Variants in LRIT2 observed in about 807,000 individuals in gnomAD.
LRIT2 encodes the protein leucine rich repeat, Ig-like and transmembrane domains 2.
Under a neutral mutation model 22.4 loss-of-function variants are expected in LRIT2, and 23 were observed. The ratio of observed to expected loss-of-function variants is 1.03; its 90% CI spans 0.74 to 1.45. LRIT2 has a LOEUF of 1.45. Among genes scored for constraint, LRIT2 ranks in the 40% most tolerant of loss-of-function variants. The pLI, the probability that LRIT2 is intolerant of heterozygous loss-of-function variation, is 0.00. For missense variants in LRIT2, 784 were observed against 665.6 expected (o/e 1.18, Z -1.96); for synonymous variants, 291 against 267.1 (o/e 1.09, Z -0.87).
rs377313465 is a variant in LRIT2, at chr10:84,222,496, G to A, written c.1077C>T (p.Pro359=). The change falls in exon 3 of 3, where the codon CCC becomes CCT. Residue 359 remains proline (P), a synonymous_variant. Coordinates refer to ENST00000372113, the MANE Select transcript of LRIT2 (RefSeq NM_001017924.5). ...GGTCAATGTAGGCATTGCCCTCCGA[G>A]GGGATGGAAAGAGAATCAGGTGCAT... ...ALHAPDSLSI[P]SEGNAYIDLR... is the part of the protein sequence containing the mutation. The A allele has an allele frequency of 6.2e-7, 1 of 1,614,020 alleles. No individual in the cohort carries two copies. The highest frequency in any genetic ancestry group is 2.2e-5 in the East Asian group (1 of 44,826).
At chr10:84,222,816 T>C in intron 2 of LRIT2, 136 bp from the exon 3 acceptor site, 1 of 988,114 alleles carries the variant, frequency 1.0e-6, no homozygotes, top group Non-Finnish European at 1.6e-6. Flanking sequence ...TAACCTCTTA[T>C]GAACCTCGTA....
rs143323013 is a variant in LRIT2 at position 84,222,056 on chromosome 10, G to C, written c.1517C>G (p.Ala506Gly). The C allele has an allele frequency of 8.4e-5, 135 of 1,610,952 alleles. No individual in the cohort carries two copies. The African/African-American group carries it at 1.5e-3, about 18-fold the overall frequency. Residue 506 changes from alanine to glycine, a missense_variant, in exon 3 of 3, where the codon GCC becomes GGC. Transcript: ENST00000372113. ...CGGGGCTGCAGGGGTGCAGCTGGGG[G>C]CTTTCCTGCGATGAAGACAGCCGCG... ...VLRGCLHRRK[A>G]PSCTPAAPQS... is the part of the protein sequence containing the mutation.
At position 84,221,495 on chromosome 10, in the gene LRIT2, T is replaced by A. The variant is rs948458268; in HGVS notation, c.*425A>T. On this transcript the variant is annotated 3_prime_UTR_variant, in exon 3 of 3. Transcript: ENST00000372113. ...CCAGATGTGGACTCTGGGTGTATCA[T>A]TGAACTGTCCAGGCTGCAGTTTTTC... 6.5e-6 allele frequency: 1 copy of A among 153,150 alleles called. No individual in the cohort carries two copies. The highest frequency in any genetic ancestry group is 2.4e-5 in the African/African-American group (1 of 41,492). The allele number at this position is 153,150 out of a possible 1,614,324, so 9.5% of individuals were successfully genotyped here.
chr10:84,222,857 C>A (rs1004793530), intron 2 of LRIT2, 177 bp from the exon 3 acceptor site: 7 of 733,132 alleles, frequency 9.5e-6, no homozygotes, highest in Non-Finnish European at 1.7e-5. Context: ...TCCCAGCAAT[C>A]CTGTAAGATA....
At chr10:84,222,879 T>C (rs899025009) in intron 2 of LRIT2, 199 bp from the exon 3 acceptor site, 2 of 713,812 alleles carry the variant, frequency 2.8e-6, no homozygotes, top group South Asian at 3.0e-5. Context: ...ATAACTGATC[T>C]TTACACATAG....
chr10:84,225,243 A>T, intron 1 of LRIT2, 129 bp from the exon 2 acceptor site: 1 of 1,208,380 alleles, frequency 8.3e-7, no homozygotes, highest in Non-Finnish European at 1.1e-6. Context: ...AAAGAGTTAG[A>T]CTCATTTTGG....
At chr10:84,222,772 G>GT (rs1842525396) in intron 2 of LRIT2, 92 bp from the exon 3 acceptor site, 2 of 1,464,794 alleles carry the variant, frequency 1.4e-6, no homozygotes, top group Admixed American at 1.8e-5. Context: ...GTTTTGCTTT[G>GT]TTTTTTGTTA....
intron 2 of LRIT2, 143 bp from the exon 3 acceptor site, chr10:84,222,823 C>A: frequency 1.1e-6 from 1 of 914,224 alleles, no homozygotes; most frequent in Non-Finnish European, 1.7e-6. Flanking sequence ...TTATGAACCT[C>A]GTACCTGGTG....
chr10:84,221,596 TA>T lies in LRIT2; in HGVS notation c.*323del, dbSNP rs1417336644. 1.5e-5 allele frequency: 3 copies of T among 200,268 alleles called. No homozygotes were observed. The highest frequency in any genetic ancestry group is 5.3e-5 in the Admixed American group (1 of 18,826). 12.4% of individuals were successfully genotyped at this position (200,268 alleles called of 1,614,324 possible). A position where few individuals can be genotyped will look rare whatever the true frequency, so the allele number is the denominator to read the frequency against. ...TAAAATATTATACGTAGACATTACGTATAAGCATGTAAATGTTATAGGCTAA... is the reference window on the plus strand; with the variant it reads ...TAAAATATTATACGTAGACATTACGTTAAGCATGTAAATGTTATAGGCTAA... On this transcript the variant is annotated 3_prime_UTR_variant, in exon 3 of 3. Transcript: ENST00000372113.
At position 84,224,407 on chromosome 10, in the gene LRIT2, C is replaced by G; in HGVS notation, c.818G>C (p.Arg273Pro). 6.2e-7 allele frequency: 1 copy of G among 1,614,224 alleles called. No homozygotes were observed. The highest frequency in any genetic ancestry group is 8.5e-7 in the Non-Finnish European group (1 of 1,180,056). Reference protein sequence around the residue: ...TIRAGQNVTLRCLAQASPSPS... With the variant: ...TIRAGQNVTLPCLAQASPSPS... ...TGAGGGGCTGGCCTGTGCCAAGCAT[C>G]GCAGGGTCACATTCTGTCCTGCCCG... The change falls in exon 2 of 3, where the codon CGA becomes CCA. Residue 273 changes from arginine (R) to proline (P), a missense_variant. Transcript: ENST00000372113.
At position 84,222,705 on chromosome 10, in the gene LRIT2, G is replaced by A. The variant is rs774982485; in HGVS notation, c.893-25C>T. Reference sequence around the variant, plus strand: ...ACTGGGTGGAAAGAAAAACAAAACAGCTGTGCATTTATCTGATAGACTGCT... The same window carrying A: ...ACTGGGTGGAAAGAAAAACAAAACAACTGTGCATTTATCTGATAGACTGCT... On this transcript the variant is annotated intron_variant, in intron 2 of 2. Coordinates refer to ENST00000372113, the MANE Select transcript of LRIT2 (RefSeq NM_001017924.5). 7 of 1,611,326 alleles carry A rather than the reference G, an allele frequency of 4.3e-6. No homozygotes were observed. In the African/African-American group the frequency reaches 9.4e-5, roughly 22 times the overall value.
Position 84,224,684 on chromosome 10 carries a change from G to C in LRIT2, c.541C>G (p.Arg181Gly). Residue 181 changes from arginine (R) to glycine (G), a missense_variant, in exon 2 of 3, where the codon CGG (arginine) becomes GGG (glycine). Coordinates refer to ENST00000372113, the MANE Select transcript of LRIT2 (RefSeq NM_001017924.5). The part of the protein sequence containing the change: ...FLNWPAYQKC[R>G]QPDCGAEILS... ...ATCTCAGCCCCACAGTCAGGCTGCC[G>C]GCATTTCTGGTAGGCTGGCCAGTTC... The C allele has an allele frequency of 6.2e-7, 1 of 1,614,134 alleles. No individual in the cohort carries two copies. The highest frequency in any genetic ancestry group is 8.5e-7 in the Non-Finnish European group (1 of 1,179,996).
rs555923841 is a variant in LRIT2, at chr10:84,225,540, C to T, written c.-20G>A. The T allele has an allele frequency of 9.3e-6, 15 of 1,610,592 alleles. No individual in the cohort carries two copies. Among genetic ancestry groups the T allele is most frequent in the South Asian group, 7.7e-5 (7 of 90,344 alleles). ...AGCCATATTTCTCTGTAAGAAAATA[C>T]GTTGTGAGTTTTGAATAAGTATCGC... On this transcript the variant is annotated 5_prime_UTR_variant, in exon 1 of 3. Coordinates refer to ENST00000372113, the MANE Select transcript of LRIT2 (RefSeq NM_001017924.5).
At chr10:84,224,270 G>A in intron 2 of LRIT2, 63 bp downstream of exon 2, 6 of 1,511,202 alleles carry the variant, frequency 4.0e-6, no homozygotes, top group South Asian at 1.3e-5. Context: ...CTCTAATGAG[G>A]ATGGGTTTGC....
At position 84,220,585 on chromosome 10, in the gene LRIT2, A is replaced by G. The variant is rs1842492035; in HGVS notation, c.*1335T>C. ...GACAATTAGTCTGAAAATGAGAGCC[A>G]TCTTCAATTTTTTAAAATTTATTGT... On this transcript the variant is annotated 3_prime_UTR_variant, in exon 3 of 3. Transcript: ENST00000372113. The G allele has an allele frequency of 6.6e-6, 1 of 152,192 alleles. No homozygotes were observed. Among genetic ancestry groups the G allele is most frequent in the Non-Finnish European group, 1.5e-5 (1 of 68,032 alleles). 9.4% of individuals were successfully genotyped at this position (152,192 alleles called of 1,614,324 possible). A position where few individuals can be genotyped will look rare whatever the true frequency, so the allele number is the denominator to read the frequency against.
rs1451872970 is a variant in LRIT2, at chr10:84,225,423, T to C, written c.98A>G (p.Glu33Gly). 6.2e-7 allele frequency: 1 copy of C among 1,613,978 alleles called. No individual in the cohort carries two copies. ...CAGCAGAGCGCACCTGCCAAAACTC[T>C]CCTCTGAGCAAGTGCATCCTGGCAG... is the stretch of plus-strand genomic sequence containing the variant. ...FCLPGCTCSE[E>G]SFGRTLQCTS... Residue 33 changes from glutamate (E) to glycine (G), a missense_variant, in exon 1 of 3, where the codon GAG becomes GGG. Transcript: ENST00000372113.
rs779143215 is a variant in LRIT2 at position 84,224,935 on chromosome 10, C to T, written c.290G>A (p.Gly97Glu). 26 of 1,613,944 alleles carry T rather than the reference C, an allele frequency of 1.6e-5. No individual in the cohort carries two copies. The highest frequency in any genetic ancestry group is 2.2e-5 in the Non-Finnish European group (26 of 1,180,032). The change falls in exon 2 of 3, where the codon GGA becomes GAA. Residue 97 changes from glycine to glutamate, a missense_variant. Physicochemically the swap from Gly to Glu is moderately conservative, Grantham distance 98. Transcript: ENST00000372113. ...CAGTTCTGGCAGGTGTTCCAGGGCT[C>T]CTAGGTGGATCACACTGATATTGTT... is the stretch of plus-strand genomic sequence containing the variant. The part of the protein sequence containing the change: ...NFNNISVIHL[G>E]ALEHLPELRE...
rs567536456 is a variant in LRIT2 at position 84,224,689 on chromosome 10, T to C, written c.536A>G (p.Lys179Arg). ...SVFLNWPAYQ[K>R]CRQPDCGAEI... ...AGCCCCACAGTCAGGCTGCCGGCAT[T>C]TCTGGTAGGCTGGCCAGTTCAGGAA... Residue 179 changes from lysine to arginine, a missense_variant, in exon 2 of 3, where the codon AAA becomes AGA. By Grantham distance (26) the Lys-to-Arg change is conservative. Coordinates refer to ENST00000372113, the MANE Select transcript of LRIT2 (RefSeq NM_001017924.5). 16 of 1,614,002 alleles carry C rather than the reference T, an allele frequency of 9.9e-6. No homozygotes were observed. Among genetic ancestry groups the C allele is most frequent in the Non-Finnish European group, 1.4e-5 (16 of 1,180,004 alleles).
chr10:84,224,800 AG>A lies in LRIT2; in HGVS notation c.424del (p.Leu142SerfsTer12), dbSNP rs755469451. 47 of 1,614,014 alleles carry A rather than the reference AG, an allele frequency of 2.9e-5. No individual in the cohort carries two copies. Among genetic ancestry groups the A allele is most frequent in the African/African-American group, 4.0e-5 (3 of 74,894 alleles). ...LDLKRNKIDA[L>X]PELALQFLVS... ...CAAGAATTGAAGAGCCAGCTCAGGG[AG>A]TGCATCAATCTTGTTGCGTTTGAGA... On this transcript the variant is annotated frameshift_variant, in exon 2 of 3. Coordinates refer to ENST00000372113, the MANE Select transcript of LRIT2 (RefSeq NM_001017924.5). LOFTEE classifies it high-confidence loss of function.
Sources: allele counts gnomAD v4.1 joint callset, GRCh38; gene constraint gnomAD v4.1.1; transcripts MANE v1.5; gene names NCBI Gene and HGNC (gene_info 2026-07-23, HGNC 2026-07-21).